NEBL: variants seen among roughly 807,000 people sequenced by gnomAD.
NEBL encodes the protein LIM and SH3 protein 2.
Under a neutral mutation model 140.2 loss-of-function variants are expected in NEBL, and 122 were observed. That is an observed-to-expected ratio of 0.87 (90% CI 0.75 to 1.01). The LOEUF (loss-of-function observed/expected upper bound fraction) is 1.01, where lower values mean the gene tolerates loss of function less well. NEBL is among the 50% of genes least tolerant of loss of function. The pLI, the probability that NEBL is intolerant of heterozygous loss-of-function variation, is 0.00. For missense variants in NEBL, 1,365 were observed against 1,231.3 expected (o/e 1.11, Z -1.62); for synonymous variants, 436 against 398.9 (o/e 1.09, Z -1.11).
intron 1 of NEBL, among the ~76,000 whole-genome samples, chr10:21,291,001 C>T (rs749372154): frequency 1.1e-4 from 16 of 152,126 alleles, no homozygotes; most frequent in Non-Finnish European, 2.2e-4. Flanking sequence ...TTCTCCTCAC[C>T]GCTACACCCA....
intron 2 of NEBL, among the ~76,000 whole-genome samples, chr10:21,066,377 G>C: frequency 6.6e-6 from 1 of 152,250 alleles, no homozygotes; most frequent in Non-Finnish European, 1.5e-5. Flanking sequence ...TTATAAAGAT[G>C]ATAGCAATTC....
chr10:20,829,162 C>G (rs1330616758), intron 16 of NEBL, among the ~76,000 whole-genome samples: 2 of 151,984 alleles, frequency 1.3e-5, no homozygotes, highest in African/African-American at 4.8e-5. Context: ...AACTTAAAAC[C>G]AGGCTCTCTG....
upstream of NEBL, among the ~76,000 whole-genome samples, chr10:21,175,825 T>G (rs568763282): frequency 1.3e-5 from 2 of 151,870 alleles, no homozygotes; most frequent in South Asian, 4.2e-4. Flanking sequence ...AAGGCAGTAG[T>G]TTTTTTTTAA....
chr10:21,006,420 A>C (rs1838141335), intron 3 of NEBL, among the ~76,000 whole-genome samples: 1 of 152,150 alleles, frequency 6.6e-6, no homozygotes, highest in African/African-American at 2.4e-5. Flanking sequence ...ATTTTAATGG[A>C]GATAAAATAA....
chr10:20,942,241 A>T (rs1834910458), intron 4 of NEBL, among the ~76,000 whole-genome samples: 1 of 152,236 alleles, frequency 6.6e-6, no homozygotes, highest in Middle Eastern at 3.2e-3. Flanking sequence ...CAAAACAGTG[A>T]TATAGACAAA....
rs373751106 is a variant in NEBL, at chr10:21,204,423, T to C, written n.349-31946A>G. On this transcript the variant is annotated intron_variant and non_coding_transcript_variant, in intron 3 of 8. Transcript: ENST00000675702. ...TTGTAAGAAGAGACAGTAGAGACCT[T>C]TCTCTCTCTCTCTTTCTTTCTCTCT... Among the ~76,000 whole-genome samples, 198 of 152,008 alleles carry C rather than the reference T, an allele frequency of 1.3e-3. 4 individuals are homozygous for C. The South Asian group carries it at 0.034, about 26-fold the overall frequency.
At chr10:21,188,299 CT>C (rs1476294381) in intron 3 of NEBL, among the ~76,000 whole-genome samples, 1 of 152,124 alleles carries the variant, frequency 6.6e-6, no homozygotes, top group Non-Finnish European at 1.5e-5. Context: ...TCGTGTAACA[CT>C]TTTTATGGCT....
chr10:21,201,990 C>T (rs1046055660), intron 3 of NEBL, among the ~76,000 whole-genome samples: 2 of 152,162 alleles, frequency 1.3e-5, no homozygotes, highest in African/African-American at 4.8e-5. Context: ...TTCTTCCTCT[C>T]TTGGCATCCT....
chr10:20,993,412 C>T (rs1837545741), intron 3 of NEBL, among the ~76,000 whole-genome samples: 1 of 152,170 alleles, frequency 6.6e-6, no homozygotes, highest in Admixed American at 6.5e-5. Context: ...CATATGTACA[C>T]ATATTAGCTA....
chr10:21,044,536 G>A (rs1274640226), intron 2 of NEBL, among the ~76,000 whole-genome samples: 1 of 150,208 alleles, frequency 6.7e-6, no homozygotes, highest in African/African-American at 2.4e-5. Context: ...ATGCAGTGCT[G>A]TAGCCAAGTA....
intron 3 of NEBL, among the ~76,000 whole-genome samples, chr10:21,193,792 G>A (rs1841611302): frequency 6.6e-6 from 1 of 152,164 alleles, no homozygotes; most frequent in Non-Finnish European, 1.5e-5. Context: ...GTCACTTACA[G>A]TGTAGCCATG....
chr10:20,810,115 T>A (rs781105510), intron 24 of NEBL, among the ~76,000 whole-genome samples: 10 of 152,134 alleles, frequency 6.6e-5, no homozygotes, highest in Non-Finnish European at 1.2e-4. Flanking sequence ...ATCTTTGTAA[T>A]CAGATTGAAG....
At chr10:20,838,839 G>A (rs1417599897) in intron 13 of NEBL, among the ~76,000 whole-genome samples, 2 of 152,132 alleles carry the variant, frequency 1.3e-5, no homozygotes, top group South Asian at 2.1e-4. Flanking sequence ...ATGATCATTA[G>A]CACTATTATA....
chr10:21,279,697 G>A (rs1842968403), intron 1 of NEBL, among the ~76,000 whole-genome samples: 1 of 151,414 alleles, frequency 6.6e-6, no homozygotes, highest in African/African-American at 2.4e-5. Flanking sequence ...GGCAGAGGCT[G>A]CAGTGAGCCA....
intron 23 of NEBL, chr10:20,813,702 C>T (rs1303644385): frequency 3.9e-6 from 2 of 508,000 alleles, no homozygotes; most frequent in Non-Finnish European, 3.6e-6. Context: ...TATGAGTTTA[C>T]AGTAGTCACG....
intron 3 of NEBL, among the ~76,000 whole-genome samples, chr10:20,979,207 C>T (rs1836932326): frequency 6.6e-6 from 1 of 151,988 alleles, no homozygotes; most frequent in African/African-American, 2.4e-5. Flanking sequence ...TGCTTGAGAC[C>T]AGGAGTTGGA....
chr10:21,169,049 CAAAAAAAAAA>C (rs147147865), intron 2 of NEBL, among the ~76,000 whole-genome samples: 34 of 25,524 alleles, frequency 1.3e-3, no homozygotes, highest in South Asian at 6.4e-3. Context: ...ACTCCGTCTA[CAAAAAAAAAA>C]AAAAAAAAAT....
chr10:20,868,382 C>T (rs1844540254), intron 7 of NEBL: 1 of 388,982 alleles, frequency 2.6e-6, no homozygotes, highest in Admixed American at 3.9e-5. Flanking sequence ...TTAATGACTT[C>T]TGGAAATCCA....
At chr10:21,061,835 T>C (rs1211702984) in intron 2 of NEBL, among the ~76,000 whole-genome samples, 2 of 152,186 alleles carry the variant, frequency 1.3e-5, no homozygotes, top group East Asian at 1.9e-4. Context: ...GTGATTGTAC[T>C]TGGGTCACCT....
Sources: allele counts gnomAD v4.1 joint callset (sites outside exome capture counted in the v4.1 genomes callset), GRCh38; gene constraint gnomAD v4.1.1; transcripts MANE v1.5; gene names NCBI Gene and HGNC (gene_info 2026-07-23, HGNC 2026-07-21).